POLE: variants seen among roughly 807,000 people sequenced by gnomAD.
POLE encodes DNA polymerase epsilon, catalytic subunit.
A neutral mutation model predicts 279.2 loss-of-function variants in POLE; 188 were observed. The ratio of observed to expected loss-of-function variants is 0.67; its 90% confidence interval spans 0.60 to 0.76. The LOEUF (loss-of-function observed/expected upper bound fraction) is 0.76, where lower values mean the gene tolerates loss of function less well. Among genes scored for constraint, POLE ranks in the 30% least tolerant of loss-of-function variants. The probability of loss-of-function intolerance (pLI) is 0.00; values close to 1 mark genes in which losing one functional copy is unlikely to be tolerated. For synonymous variants in POLE, 1,214 were observed against 1,172.5 expected (o/e 1.04, Z -0.72); for missense variants, 2,703 against 3,016.7 (o/e 0.90, Z 2.44).
At position 132,674,107 on chromosome 12, in the gene POLE, A is replaced by G. The variant is rs140468290; in HGVS notation, c.1227-400T>C. Among the ~76,000 whole-genome samples, 68 of 152,258 alleles carry G rather than the reference A, an allele frequency of 4.5e-4. 1 individual carries two copies. The East Asian group carries it at 0.012, about 27-fold the overall frequency. The stretch of plus-strand genomic sequence containing the variant: ...TGTCCCTTCAGCACGGAAACACTCA[A>G]GCCCACCCTCCTTTAATAGAAGGCA... On this transcript the variant is annotated intron_variant, in intron 12 of 48. Coordinates refer to ENST00000320574, the MANE Select transcript of POLE (RefSeq NM_006231.4).
At position 132,643,921 on chromosome 12, in the gene POLE, C is replaced by T. The variant is rs773786700; in HGVS notation, c.4206G>A (p.Val1402=). Residue 1402 remains valine, a synonymous_variant, in exon 33 of 49, where the codon GTG becomes GTA. Transcript: ENST00000320574. ...TGTGTTCCTGGTACATGTCCTCTGG[C>T]ACTGAATACTCATAGAGATTGTAGA... ...NMVYNLYEYS[V]PEDMYQEHIN... is the part of the protein sequence containing the mutation. 15 of 1,613,986 alleles carry T rather than the reference C, an allele frequency of 9.3e-6. No homozygotes were observed. The highest frequency in any genetic ancestry group is 4.2e-6 in the Non-Finnish European group (5 of 1,179,962).
At chr12:132,644,129 T>C in intron 32 of POLE, 152 bp from the exon 33 acceptor site, 2 of 660,124 alleles carry the variant, frequency 3.0e-6, no homozygotes, top group Non-Finnish European at 5.1e-6. Flanking sequence ...CTCTCAATGA[T>C]TACAACTAAA....
chr12:132,673,401 G>A, intron 13 of POLE, 124 bp from the exon 14 acceptor site: 1 of 1,188,362 alleles, frequency 8.4e-7, no homozygotes, highest in South Asian at 1.3e-5. Flanking sequence ...GACCGGCACA[G>A]GACAAAACAC....
chr12:132,642,131 GA>G, intron 38 of POLE, 45 bp downstream of exon 38: 1 of 1,439,648 alleles, frequency 6.9e-7, no homozygotes. Flanking sequence ...CAGAATGGCA[GA>G]AACACCAGCC....
intron 3 of POLE, 39 bp downstream of exon 3, chr12:132,680,568 A>G (rs776012002): frequency 1.3e-6 from 2 of 1,508,732 alleles, no homozygotes; most frequent in Non-Finnish European, 1.8e-6. Flanking sequence ...ATGAACACCC[A>G]TAAAAGTGGG....
At chr12:132,666,622 A>T (rs1047629042) in intron 20 of POLE, among the ~76,000 whole-genome samples, 1 of 152,246 alleles carries the variant, frequency 6.6e-6, no homozygotes, top group Admixed American at 6.5e-5. Context: ...AGCCGGTCAC[A>T]AAGATACAAA....
At chr12:132,681,015 C>T (rs1008028383) in intron 2 of POLE, 123 bp downstream of exon 2, 3 of 1,170,620 alleles carry the variant, frequency 2.6e-6, no homozygotes, top group African/African-American at 3.0e-5. Flanking sequence ...TGGGAACCTT[C>T]ACATCTCCCA....
intron 25 of POLE, chr12:132,660,370 A>C (rs564814323): frequency 6.6e-6 from 1 of 152,652 alleles, no homozygotes; most frequent in South Asian, 2.1e-4. Context: ...AAGAAACAGA[A>C]GCCCACACAG....
chr12:132,630,959 C>T (rs1189653132), intron 45 of POLE, among the ~76,000 whole-genome samples: 1 of 152,146 alleles, frequency 6.6e-6, no homozygotes, highest in African/African-American at 2.4e-5. Flanking sequence ...AAAAAATGAC[C>T]TCAGAGAATT....
intron 38 of POLE, 27 bp from the exon 39 acceptor site, chr12:132,641,878 C>T: frequency 6.3e-7 from 1 of 1,595,046 alleles, no homozygotes; most frequent in Non-Finnish European, 8.5e-7. Flanking sequence ...CATGCTCAGC[C>T]AGCATCCTGC....
rs1470483579 is a variant in POLE at position 132,634,250 on chromosome 12, C to T, written c.5940G>A (p.Trp1980Ter). ...CCTGTGGCAAAAACTGCAAAATGTT[C>T]CAGTTGTTTTCCAGTAAATCCTCCA... ...SNVEDLLENN[W>*]NILQFLPQAA... The change falls in exon 43 of 49, where the codon TGG becomes TGA. Residue 1980 changes from tryptophan to a stop codon, truncating the protein, a stop_gained. Coordinates refer to ENST00000320574, the MANE Select transcript of POLE (RefSeq NM_006231.4). LOFTEE classifies it high-confidence loss of function. This position sits in a 1 kb window ranked among gnomAD's most constrained non-coding sequence, Gnocchi z 4.0. 33 of 1,614,048 alleles carry T rather than the reference C, an allele frequency of 2.0e-5. No homozygotes were observed. The highest frequency in any genetic ancestry group is 2.6e-5 in the Non-Finnish European group (31 of 1,180,012).
intron 13 of POLE, 63 bp from the exon 14 acceptor site, chr12:132,673,340 G>C: frequency 7.8e-7 from 1 of 1,274,668 alleles, no homozygotes. Flanking sequence ...CAAGTGTGAA[G>C]CACAGAAAGC....
chr12:132,680,115 T>C (rs1013173114), intron 4 of POLE, 63 bp downstream of exon 4: 43 of 1,595,666 alleles, frequency 2.7e-5, no homozygotes, highest in Middle Eastern at 3.3e-4. Flanking sequence ...TATTTCCCAG[T>C]TGCAAAGCCC....
intron 1 of POLE, among the ~76,000 whole-genome samples, chr12:132,682,507 A>G (rs573979157): frequency 6.6e-6 from 1 of 151,988 alleles, no homozygotes; most frequent in African/African-American, 2.4e-5. Flanking sequence ...AAAATAAAAT[A>G]AGATAAAATA....
chr12:132,625,064 A>G, intron 47 of POLE, 70 bp from the exon 48 acceptor site: 1 of 1,144,770 alleles, frequency 8.7e-7, no homozygotes, highest in African/African-American at 1.5e-5. Flanking sequence ...GCTTCTTCAC[A>G]GGCTCGCGAG....
At position 132,677,795 on chromosome 12, in the gene POLE, G is replaced by A. The variant is rs1362277182; in HGVS notation, c.579-76C>T. ...GTGAGACCAGAGTTCCAACTCAGTA[G>A]GAAGAGGTGAGACCAGAGTTCAAAC... On this transcript the variant is annotated intron_variant, in intron 6 of 48. Transcript: ENST00000320574. The A allele has an allele frequency of 6.4e-6, 9 of 1,413,844 alleles. No individual in the cohort carries two copies. In the Admixed American group the frequency reaches 1.5e-4, roughly 23 times the overall value. The allele number at this position is 1,413,844 out of a possible 1,614,324, so 87.6% of individuals were successfully genotyped here. A position where few individuals can be genotyped will look rare whatever the true frequency, so the allele number is the denominator to read the frequency against.
rs372044043 is a variant in POLE, at chr12:132,634,292, C to T, written c.5898G>A (p.Glu1966=). The change falls in exon 43 of 49, where the codon GAG becomes GAA. Residue 1966 remains glutamate (E), a synonymous_variant. Transcript: ENST00000320574. The surrounding 1 kb of genome is among the most constrained non-coding windows in gnomAD (Gnocchi z 4.0). ...AATCCTCCACGTTGGATTCCTCCGC[C>T]TCTTCCTCCTCCTCCCCATCTCTTT... The part of the protein sequence containing the change: ...EEERDGEEEE[E]AEESNVEDLL... The T allele has an allele frequency of 1.9e-5, 31 of 1,614,206 alleles. No individual in the cohort carries two copies. In the African/African-American group the frequency reaches 3.2e-4, roughly 17 times the overall value.
Position 132,643,439 on chromosome 12 carries a change from C to A in POLE, c.4412G>T (p.Arg1471Leu), listed in dbSNP as rs113809231. The change falls in exon 34 of 49, where the codon CGC becomes CTC. Residue 1471 changes from arginine (R) to leucine (L), a missense_variant. By Grantham distance (102) the Arg-to-Leu change is moderately radical. This residue lies in a region of POLE where 1,551 missense variants were observed against 1,686.1 expected (regional missense o/e 0.92). Coordinates refer to ENST00000320574, the MANE Select transcript of POLE (RefSeq NM_006231.4). ...CAGGTAGCTGAACTGGGCCAGAGAG[C>A]GCATCTCCAGGTGCTCAAGAGCAAA... Reference protein sequence around the residue: ...ETFALEHLEMRSLAQFSYLEP... With the variant: ...ETFALEHLEMLSLAQFSYLEP... 1.2e-6 allele frequency: 2 copies of A among 1,614,224 alleles called. No individual in the cohort carries two copies. Among genetic ancestry groups the A allele is most frequent in the Admixed American group, 1.7e-5 (1 of 60,032 alleles).
intron 29 of POLE, chr12:132,651,234 C>T (rs1294599883): frequency 6.6e-6 from 1 of 152,196 alleles, no homozygotes. Flanking sequence ...GTGAAACATG[C>T]ACATATGGTT....
Sources: gnomAD v4.1 joint callset for allele counts (sites outside exome capture counted in the v4.1 genomes callset) on GRCh38, gnomAD v4.1.1 for gene constraint, gnomAD v4.1.1 regional missense constraint, Gnocchi (gnomAD v3.1) non-coding constraint, MANE v1.5 for transcripts, NCBI Gene and HGNC (gene_info 2026-07-23, HGNC 2026-07-21) for gene names.